Variants in CNTNAP2 observed in about 807,000 individuals in gnomAD.
The protein encoded by CNTNAP2 is contactin-associated protein-like 2.
CNTNAP2 carries 98 observed loss-of-function variants against 155.2 expected under a neutral mutation model. The observed-to-expected ratio is 0.63, with a 90% CI of 0.54 to 0.75. CNTNAP2 has a LOEUF of 0.75. Among genes scored for constraint, CNTNAP2 ranks in the 30% least tolerant of loss-of-function variants. The pLI is 0.00. For synonymous variants in CNTNAP2, 651 were observed against 631.2 expected (o/e 1.03, Z -0.47); for missense variants, 1,727 against 1,688.1 (o/e 1.02, Z -0.40).
chr7:148,159,370 T>C (rs1805472365), intron 17 of CNTNAP2, among the ~76,000 whole-genome samples: 2 of 152,188 alleles, frequency 1.3e-5, no homozygotes, highest in African/African-American at 4.8e-5. Flanking sequence ...TTGTGGAAAT[T>C]CGTGTTGTCT....
intron 12 of CNTNAP2, among the ~76,000 whole-genome samples, chr7:147,632,195 T>G (rs2116911881): frequency 6.6e-6 from 1 of 152,180 alleles, no homozygotes; most frequent in East Asian, 1.9e-4. Flanking sequence ...CAAAAGAAGA[T>G]GTACAAATGG....
chr7:147,608,273 C>T (rs1584851706), intron 12 of CNTNAP2, among the ~76,000 whole-genome samples: 1 of 150,840 alleles, frequency 6.6e-6, no homozygotes, highest in Admixed American at 6.6e-5. Flanking sequence ...TTTTATGTTG[C>T]TCTGTGAAAA....
intron 10 of CNTNAP2, among the ~76,000 whole-genome samples, chr7:147,397,354 A>G (rs1290300249): frequency 6.6e-6 from 1 of 152,066 alleles, no homozygotes; most frequent in Non-Finnish European, 1.5e-5. Context: ...TTCTGATTTT[A>G]GATAATTATC....
intron 1 of CNTNAP2, among the ~76,000 whole-genome samples, chr7:146,714,723 G>C (rs1585054278): frequency 6.6e-6 from 1 of 152,216 alleles, no homozygotes; most frequent in East Asian, 1.9e-4. Context: ...TATTTCTAGA[G>C]ATATATATGT....
At position 146,778,463 on chromosome 7, in the gene CNTNAP2, T is replaced by C. The variant is rs540066565; in HGVS notation, c.208+4082T>C. Among the ~76,000 whole-genome samples, 8 of 152,316 alleles carry C rather than the reference T, an allele frequency of 5.3e-5. No homozygotes were observed. In the South Asian group the frequency reaches 1.7e-3, roughly 32 times the overall value. Reference sequence around the variant, plus strand: ...ACATGTCTTTTGGAGCTCATTGTTTTTAGTTTATTGGTGCTGTTGTTTTCT... The same window carrying C: ...ACATGTCTTTTGGAGCTCATTGTTTCTAGTTTATTGGTGCTGTTGTTTTCT... On this transcript the variant is annotated intron_variant, in intron 2 of 23. Coordinates refer to ENST00000361727, the MANE Select transcript of CNTNAP2 (RefSeq NM_014141.6).
intron 21 of CNTNAP2, among the ~76,000 whole-genome samples, chr7:148,319,855 A>G (rs2373343): frequency 0.046 from 6,957 of 151,850 alleles, 548 homozygotes; most frequent in African/African-American, 0.16. Flanking sequence ...ATTATATATT[A>G]CAATGTAATA....
At chr7:147,752,886 T>C (rs1797159146) in intron 13 of CNTNAP2, among the ~76,000 whole-genome samples, 1 of 152,132 alleles carries the variant, frequency 6.6e-6, no homozygotes, top group African/African-American at 2.4e-5. Flanking sequence ...TGGCATGGAA[T>C]AGCAAAAAAA....
At chr7:147,056,769 G>T (rs185484735) in intron 4 of CNTNAP2, among the ~76,000 whole-genome samples, 1 of 151,968 alleles carries the variant, frequency 6.6e-6, no homozygotes, top group Non-Finnish European at 1.5e-5. Flanking sequence ...TTGTTTGTTT[G>T]TTCATTTGTT....
chr7:146,357,232 C>CAA (rs71525940), intron 1 of CNTNAP2, among the ~76,000 whole-genome samples: 11,013 of 98,234 alleles, frequency 0.11, 1,321 homozygotes, highest in African/African-American at 0.31. Context: ...TACAGTGCTC[C>CAA]AAAAAAAAAA....
At chr7:147,575,575 G>A (rs1373448250) in intron 12 of CNTNAP2, among the ~76,000 whole-genome samples, 4 of 151,200 alleles carry the variant, frequency 2.6e-5, no homozygotes, top group Non-Finnish European at 3.0e-5. Context: ...GGATTTAGAA[G>A]GCATATAAGT....
rs370671521 is a variant in CNTNAP2 at position 146,949,412 on chromosome 7, C to T, written c.403-94495C>T. ...TTATAGTTCTTTGCTTTTGCCACAA[C>T]CTCTCGTCTGATTTCTCCACGTTGC... On this transcript the variant is annotated intron_variant, in intron 3 of 23. Transcript: ENST00000361727. Among the ~76,000 whole-genome samples the T allele has an allele frequency of 1.4e-4, 21 of 152,256 alleles. No individual in the cohort carries two copies. The South Asian group carries it at 3.7e-3, about 27-fold the overall frequency.
At chr7:148,110,654 C>G (rs1390635403) in intron 15 of CNTNAP2, among the ~76,000 whole-genome samples, 1 of 152,188 alleles carries the variant, frequency 6.6e-6, no homozygotes. Context: ...AGCTGTGGAG[C>G]TCCAAGAGGC....
intron 15 of CNTNAP2, among the ~76,000 whole-genome samples, chr7:148,111,537 G>GA (rs71834229): frequency 0.14 from 19,811 of 145,678 alleles, 1,423 homozygotes; most frequent in African/African-American, 0.18. Flanking sequence ...AACAAAATTA[G>GA]AAAAAAAAAA....
intron 1 of CNTNAP2, among the ~76,000 whole-genome samples, chr7:146,309,595 A>G (rs1480764039): frequency 1.3e-5 from 2 of 152,134 alleles, no homozygotes; most frequent in African/African-American, 2.4e-5. Flanking sequence ...TAAGGTCAGG[A>G]GTTCGAGACC....
At chr7:147,000,591 G>T (rs550692277) in intron 3 of CNTNAP2, among the ~76,000 whole-genome samples, 1 of 152,104 alleles carries the variant, frequency 6.6e-6, no homozygotes, top group African/African-American at 2.4e-5. Context: ...CCTTAAGCCC[G>T]TGACCACTGC....
At chr7:146,311,236 A>G (rs938814339) in intron 1 of CNTNAP2, among the ~76,000 whole-genome samples, 3 of 152,200 alleles carry the variant, frequency 2.0e-5, no homozygotes, top group South Asian at 2.1e-4. Context: ...ATATACGTCT[A>G]TCTGTTTAGT....
At chr7:146,610,720 T>C (rs965164585) in intron 1 of CNTNAP2, among the ~76,000 whole-genome samples, 13 of 152,216 alleles carry the variant, frequency 8.5e-5, no homozygotes, top group African/African-American at 2.4e-4. Context: ...TTTAAACATG[T>C]AATCTGGTCT....
intron 1 of CNTNAP2, among the ~76,000 whole-genome samples, chr7:146,490,758 A>C (rs1168452359): frequency 6.6e-6 from 1 of 152,206 alleles, no homozygotes; most frequent in Non-Finnish European, 1.5e-5. Flanking sequence ...TCCCAAAGTA[A>C]CACTGGAATT....
chr7:146,718,834 T>C (rs1362156238), intron 1 of CNTNAP2, among the ~76,000 whole-genome samples: 1 of 152,146 alleles, frequency 6.6e-6, no homozygotes, highest in African/African-American at 2.4e-5. Flanking sequence ...TTGGTTCCTT[T>C]GACAGTTTTT....
Sources: allele counts gnomAD v4.1 joint callset (sites outside exome capture counted in the v4.1 genomes callset), GRCh38; gene constraint gnomAD v4.1.1; transcripts MANE v1.5; gene names NCBI Gene and HGNC (gene_info 2026-07-23, HGNC 2026-07-21).